SRP19: variants seen among roughly 807,000 people sequenced by gnomAD.
SRP19 encodes the protein signal recognition particle 19 kDa protein.
In SRP19, 11 loss-of-function variants were observed where a neutral mutation model predicts 22.4. The ratio of observed to expected loss-of-function variants is 0.49; its 90% CI spans 0.31 to 0.81. The LOEUF (loss-of-function observed/expected upper bound fraction) is 0.81, where lower values mean the gene tolerates loss of function less well. Among genes scored for constraint, SRP19 ranks in the 40% least tolerant of loss-of-function variants. The pLI is 0.05. For missense variants in SRP19, 168 were observed against 175.9 expected, an observed-to-expected ratio of 0.96 and a Z score of 0.25; for synonymous variants, 61 against 57.6, an observed-to-expected ratio of 1.06 and a Z score of -0.27.
chr5:112,892,531 G>C, exon 5 of SRP19: 1 of 1,614,200 alleles, frequency 6.2e-7, no homozygotes, highest in Non-Finnish European at 8.5e-7. Flanking sequence ...ACGATGGTAT[G>C]CAGGACGACA....
intron 4 of SRP19, chr5:112,878,627 A>G: frequency 9.2e-7 from 1 of 1,084,862 alleles, no homozygotes; most frequent in South Asian, 1.7e-5. Flanking sequence ...TATAGACAGT[A>G]AAAGTAAGCA....
intron 4 of SRP19, chr5:112,864,958 T>C (rs951979600): frequency 1.4e-5 from 5 of 364,660 alleles, no homozygotes. Flanking sequence ...AAAAAATTGT[T>C]GTGTGAACAT....
In SRP19 at chr5:112,864,651, CGTG is replaced by C; in HGVS notation, c.221_223del (p.Arg74_Asp75delinsHis). On this transcript the variant is annotated inframe_deletion, in exon 4 of 5. Coordinates refer to ENST00000505459, the MANE Select transcript of SRP19 (RefSeq NM_003135.3). ...TAAAATGTACTCTAGAGAATGGAAT[CGTG>C]ATGTCCAATACAGAGGCAGAGTCCG... The C allele has an allele frequency of 6.2e-7, 1 of 1,614,058 alleles. No homozygotes were observed. The highest frequency in any genetic ancestry group is 2.2e-5 in the East Asian group (1 of 44,874).
At chr5:112,881,531 C>T (rs527645186) in intron 4 of SRP19, among the ~76,000 whole-genome samples, 93 of 152,274 alleles carry the variant, frequency 6.1e-4, no homozygotes, top group Middle Eastern at 6.8e-3. Context: ...GCTGGCTGTG[C>T]CCTGAGGACA....
chr5:112,876,903 T>C (rs904655305), intron 4 of SRP19: 2 of 152,212 alleles, frequency 1.3e-5, no homozygotes, highest in African/African-American at 4.8e-5. Flanking sequence ...TGAGCAATAG[T>C]AACTTTTGTA....
intron 4 of SRP19, chr5:112,878,610 CTATA>C (rs1329907179): frequency 2.2e-6 from 2 of 925,398 alleles, no homozygotes; most frequent in Middle Eastern, 2.8e-4. Context: ...AAAGTGCTCC[CTATA>C]TATATAGACA....
intron 4 of SRP19, among the ~76,000 whole-genome samples, chr5:112,891,045 G>A (rs1768427531): frequency 6.6e-6 from 1 of 150,466 alleles, no homozygotes; most frequent in South Asian, 2.1e-4. Context: ...GCAAATCCTA[G>A]AACCAAAAAT....
intron 4 of SRP19, among the ~76,000 whole-genome samples, chr5:112,879,478 C>T (rs1768003421): frequency 1.3e-5 from 2 of 152,032 alleles, no homozygotes; most frequent in Admixed American, 1.3e-4. Context: ...TATTTATTTA[C>T]TTATTTATTT....
chr5:112,892,455 G>A, exon 5 of SRP19: 2 of 1,614,092 alleles, frequency 1.2e-6, no homozygotes, highest in Non-Finnish European at 1.7e-6. Flanking sequence ...CTCACCTGAG[G>A]GGCAATGTAT....
chr5:112,861,289 G>A lies in SRP19; in HGVS notation c.-88G>A, dbSNP rs953385661. On this transcript the variant is annotated 5_prime_UTR_variant, in exon 1 of 5. Coordinates refer to ENST00000505459, the MANE Select transcript of SRP19 (RefSeq NM_003135.3). ...GGCAGGACTTCCGGCGGAAAAGCGG[G>A]CTGTCTCGGAAACTCAGAGCCGGGT... The A allele has an allele frequency of 2.6e-5, 38 of 1,484,058 alleles. No individual in the cohort carries two copies. Among genetic ancestry groups the A allele is most frequent in the East Asian group, 2.0e-4 (9 of 44,236 alleles). The allele number at this position is 1,484,058 out of a possible 1,614,324, so 91.9% of individuals were successfully genotyped here. A position where few individuals can be genotyped will look rare whatever the true frequency, so the allele number is the denominator to read the frequency against.
At chr5:112,891,705 A>C (rs1239770951) in exon 5 of SRP19, 1 of 1,614,144 alleles carries the variant, frequency 6.2e-7, no homozygotes, top group South Asian at 1.1e-5. Context: ...CAAGCCACAA[A>C]AAGTACAGGG....
intron 4 of SRP19, among the ~76,000 whole-genome samples, chr5:112,884,427 A>G (rs1036656225): frequency 3.3e-5 from 5 of 150,706 alleles, no homozygotes; most frequent in Non-Finnish European, 5.9e-5. Flanking sequence ...TTGCTTTGTA[A>G]CCCAGGCTAG....
chr5:112,893,094 T>TTAAAAAA (rs781185558), downstream of SRP19: 39 of 501,476 alleles, frequency 7.8e-5, no homozygotes, highest in African/African-American at 4.5e-4. Context: ...GTTTTGTTCT[T>TTAAAAAA]AAAAAAAAAA....
At chr5:112,863,468 G>T (rs1304681790) in intron 2 of SRP19, among the ~76,000 whole-genome samples, 2 of 152,102 alleles carry the variant, frequency 1.3e-5, no homozygotes, top group East Asian at 3.9e-4. Flanking sequence ...CTACCCACTA[G>T]ATGACAGGTC....
exon 5 of SRP19, chr5:112,891,901 CAAG>C (rs1393728957): frequency 1.5e-6 from 2 of 1,324,872 alleles, no homozygotes; most frequent in Non-Finnish European, 2.2e-6. Flanking sequence ...GCAGAAGGCA[CAAG>C]AAGAATTCAG....
At chr5:112,870,382 T>C (rs1767730752), downstream of SRP19, among the ~76,000 whole-genome samples, 1 of 151,864 alleles carries the variant, frequency 6.6e-6, no homozygotes, top group African/African-American at 2.4e-5. Context: ...CTTGGGAGGC[T>C]GAGGTGGGAG....
downstream of SRP19, among the ~76,000 whole-genome samples, chr5:112,871,321 T>G (rs1470325827): frequency 2.0e-5 from 3 of 150,338 alleles, no homozygotes; most frequent in Non-Finnish European, 4.4e-5. Flanking sequence ...CCAAAAAATG[T>G]TTTTTTGAGA....
intron 4 of SRP19, among the ~76,000 whole-genome samples, chr5:112,881,146 A>G (rs1487167265): frequency 1.3e-5 from 2 of 151,424 alleles, no homozygotes; most frequent in Non-Finnish European, 2.9e-5. Flanking sequence ...AAAAAAAAAA[A>G]AAAAAGCTGG....
Position 112,864,480 on chromosome 5 carries a change from A to G in SRP19, c.141A>G (p.Thr47=), listed in dbSNP as rs1767521574. The change falls in exon 3 of 5, where the codon ACA becomes ACG. Residue 47 remains threonine (T), a synonymous_variant. Transcript: ENST00000505459. ...ISKAVENPTA[T]EIQDVCSAVG... is the part of the protein sequence containing the mutation. Reference sequence around the variant, plus strand: ...AGGCTGTTGAAAATCCTACAGCTACAGAGATTCAAGATGTATGTTCAGCAG... The same window carrying G: ...AGGCTGTTGAAAATCCTACAGCTACGGAGATTCAAGATGTATGTTCAGCAG... 6.2e-7 allele frequency: 1 copy of G among 1,613,762 alleles called. No homozygotes were observed. Among genetic ancestry groups the G allele is most frequent in the South Asian group, 1.1e-5 (1 of 91,070 alleles).
Sources: allele counts gnomAD v4.1 joint callset (sites outside exome capture counted in the v4.1 genomes callset), GRCh38; gene constraint gnomAD v4.1.1; transcripts MANE v1.5; gene names NCBI Gene and HGNC (gene_info 2026-07-23, HGNC 2026-07-21).